GRM3: variants seen among roughly 807,000 people sequenced by gnomAD.
GRM3 encodes the protein metabotropic glutamate receptor 3.
Under a neutral mutation model 70.5 loss-of-function variants are expected in GRM3, and 26 were observed. The observed-to-expected ratio is 0.37, with a 90% confidence interval of 0.27 to 0.51. The LOEUF (loss-of-function observed/expected upper bound fraction) is 0.51. Ranked by LOEUF, GRM3 falls within the 20% of genes least tolerant of loss-of-function variation. The pLI is 0.93. For synonymous variants in GRM3, 443 were observed against 434.9 expected (o/e 1.02, Z -0.23); for missense variants, 859 against 1,123.8 (o/e 0.76, Z 3.37).
chr7:86,723,475 G>A (rs1282705663), intron 1 of GRM3, among the ~76,000 whole-genome samples: 1 of 152,030 alleles, frequency 6.6e-6, no homozygotes, highest in African/African-American at 2.4e-5. Context: ...AACTTAAAAA[G>A]AATTAAATTG....
intron 3 of GRM3, among the ~76,000 whole-genome samples, chr7:86,793,888 C>A (rs888215512): frequency 4.6e-5 from 7 of 151,832 alleles, no homozygotes; most frequent in African/African-American, 1.7e-4. Flanking sequence ...TCCTGTGAGG[C>A]AGAAAAAAGT....
chr7:86,802,758 C>G (rs1158744088), intron 3 of GRM3, among the ~76,000 whole-genome samples: 1 of 152,164 alleles, frequency 6.6e-6, no homozygotes, highest in Admixed American at 6.5e-5. Context: ...AATACTGGGT[C>G]TGAAACCCTT....
intron 1 of GRM3, among the ~76,000 whole-genome samples, chr7:86,676,087 AC>A (rs1465179933): frequency 6.6e-6 from 1 of 151,890 alleles, no homozygotes; most frequent in Non-Finnish European, 1.5e-5. Context: ...AACCAAAAAT[AC>A]CTTAAAGCCT....
chr7:86,681,124 T>C (rs11982689), intron 1 of GRM3, among the ~76,000 whole-genome samples: 5,075 of 152,256 alleles, frequency 0.033, 277 homozygotes, highest in African/African-American at 0.12. Flanking sequence ...GATGAGAATG[T>C]CTACTATCAC....
At chr7:86,734,867 TTC>T (rs1795819326) in intron 1 of GRM3, among the ~76,000 whole-genome samples, 1 of 152,314 alleles carries the variant, frequency 6.6e-6, no homozygotes, top group South Asian at 2.1e-4. Context: ...TCACAATTTT[TTC>T]TTTTATACAC....
intron 3 of GRM3, among the ~76,000 whole-genome samples, chr7:86,790,980 A>C (rs754401214): frequency 2.0e-5 from 3 of 151,988 alleles, no homozygotes; most frequent in Non-Finnish European, 2.9e-5. Flanking sequence ...TTTCATATTT[A>C]GTCTTTATTG....
At chr7:86,841,045 G>A in intron 4 of GRM3, among the ~76,000 whole-genome samples, 1 of 152,092 alleles carries the variant, frequency 6.6e-6, no homozygotes, top group Admixed American at 6.6e-5. Flanking sequence ...AAAATGGTAA[G>A]TATGTGAAGT....
At chr7:86,767,799 A>G (rs988558753) in intron 2 of GRM3, among the ~76,000 whole-genome samples, 1 of 151,962 alleles carries the variant, frequency 6.6e-6, no homozygotes, top group Non-Finnish European at 1.5e-5. Flanking sequence ...TGTGCCCTGC[A>G]AATGGCCTTT....
chr7:86,789,582 A>C (rs1376917785), intron 3 of GRM3, among the ~76,000 whole-genome samples: 1 of 152,150 alleles, frequency 6.6e-6, no homozygotes, highest in African/African-American at 2.4e-5. Flanking sequence ...GTTTTTTCTA[A>C]CTTGAATATT....
intron 1 of GRM3, among the ~76,000 whole-genome samples, chr7:86,736,794 C>T (rs1368801659): frequency 1.3e-5 from 2 of 152,176 alleles, no homozygotes; most frequent in Non-Finnish European, 2.9e-5. Context: ...TATGATCTTA[C>T]TGCATGCACT....
chr7:86,793,692 A>G (rs1797479418), intron 3 of GRM3, among the ~76,000 whole-genome samples: 1 of 152,188 alleles, frequency 6.6e-6, no homozygotes, highest in Non-Finnish European at 1.5e-5. Context: ...AGGCTTGAGA[A>G]ATGATTCCCA....
At chr7:86,828,812 A>G (rs7804469) in intron 3 of GRM3, among the ~76,000 whole-genome samples, 17,792 of 152,252 alleles carry the variant, frequency 0.12, 1,136 homozygotes, top group African/African-American at 0.15. Flanking sequence ...ATTTCTCTGT[A>G]GCGTGTGATG....
At chr7:86,691,933 CTGAT>C (rs1276006320) in intron 1 of GRM3, among the ~76,000 whole-genome samples, 1 of 152,162 alleles carries the variant, frequency 6.6e-6, no homozygotes, top group Non-Finnish European at 1.5e-5. Context: ...AAGAGACAAA[CTGAT>C]TAATGTCCTA....
intron 3 of GRM3, among the ~76,000 whole-genome samples, chr7:86,813,192 G>A (rs1018758006): frequency 1.2e-4 from 18 of 151,678 alleles, no homozygotes; most frequent in Admixed American, 2.6e-4. Context: ...AATTCTCCCT[G>A]TAAAGCTAAT....
chr7:86,799,361 C>T (rs1254408203), intron 3 of GRM3, among the ~76,000 whole-genome samples: 1 of 152,110 alleles, frequency 6.6e-6, no homozygotes, highest in Non-Finnish European at 1.5e-5. Flanking sequence ...GACTAATTGC[C>T]CCGGACACAA....
chr7:86,656,183 G>C (rs1793738181), intron 1 of GRM3, among the ~76,000 whole-genome samples: 1 of 151,474 alleles, frequency 6.6e-6, no homozygotes, highest in African/African-American at 2.4e-5. Flanking sequence ...CAAAGATTTA[G>C]CTGGTCCTTC....
intron 1 of GRM3, among the ~76,000 whole-genome samples, chr7:86,657,063 A>T (rs1793765325): frequency 6.6e-6 from 1 of 152,214 alleles, no homozygotes; most frequent in Non-Finnish European, 1.5e-5. Flanking sequence ...CTTAATTTTA[A>T]TCCATAAATG....
chr7:86,806,422 C>T (rs1254667504), intron 3 of GRM3, among the ~76,000 whole-genome samples: 2 of 152,198 alleles, frequency 1.3e-5, no homozygotes, highest in Non-Finnish European at 2.9e-5. Flanking sequence ...TGTTTCCTGA[C>T]TTTTTAATGA....
At chr7:86,792,641 C>A (rs1321983952) in intron 3 of GRM3, among the ~76,000 whole-genome samples, 1 of 152,212 alleles carries the variant, frequency 6.6e-6, no homozygotes. Flanking sequence ...AGATGTCATG[C>A]TGGGACCTGA....
Sources: gnomAD v4.1 joint callset for allele counts (sites outside exome capture counted in the v4.1 genomes callset) on GRCh38, gnomAD v4.1.1 for gene constraint, MANE v1.5 for transcripts, NCBI Gene and HGNC (gene_info 2026-07-23, HGNC 2026-07-21) for gene names.